The following KLF17 variants were observed in gnomAD, a reference collection of about 807,000 sequenced individuals.
The protein encoded by KLF17 is Krueppel-like factor 17.
Under a neutral mutation model 34.2 loss-of-function variants are expected in KLF17, and 31 were observed. That is an observed-to-expected ratio of 0.91 (90% CI 0.68 to 1.22). KLF17 has a LOEUF of 1.22. Among genes scored for constraint, KLF17 ranks in the 50% most tolerant of loss-of-function variants. The pLI, the probability that KLF17 is intolerant of heterozygous loss-of-function variation, is 0.00. For missense variants in KLF17, 478 were observed against 505.2 expected, an observed-to-expected ratio of 0.95 and a Z score of 0.52; for synonymous variants, 179 against 186.7, an observed-to-expected ratio of 0.96 and a Z score of 0.34.
At chr1:44,099,886 AAAGAAAGAAAGAAAGAAAGAAAGAAAG>A in the KLF17 span, among the ~76,000 whole-genome samples, 4 of 67,504 alleles carry the variant, frequency 5.9e-5, no homozygotes, top group African/African-American at 1.8e-4. Flanking sequence ...AGAAAGAAAG[AAAGAAAGAAAGAAAGAAAGAAAGAAAG>A]AAAGAAAAGA....
At chr1:44,065,513 G>A in the KLF17 span, among the ~76,000 whole-genome samples, 30 of 146,082 alleles carry the variant, frequency 2.1e-4, no homozygotes, top group Non-Finnish European at 2.1e-4. Context: ...AGATTCGAGT[G>A]ATTCTCATGC....
rs1045400901 is a variant in KLF17, at chr1:44,127,501, A to ACTTC, written c.82-1838_82-1835dup. Among the ~76,000 whole-genome samples, 125 of 150,242 alleles carry ACTTC rather than the reference A, an allele frequency of 8.3e-4. No homozygotes were observed. The Middle Eastern group carries it at 0.01, about 12-fold the overall frequency. On this transcript the variant is annotated intron_variant, in intron 1 of 3. Coordinates refer to ENST00000372299, the MANE Select transcript of KLF17 (RefSeq NM_173484.4). The stretch of plus-strand genomic sequence containing the variant: ...AAATTTGTAATTGCTTCAAGTTTTT[A>ACTTC]CTTCCTTCCTTCCTTCCCTCCCTCC...
the KLF17 span, among the ~76,000 whole-genome samples, chr1:44,094,854 G>A: frequency 6.6e-6 from 1 of 150,634 alleles, no homozygotes; most frequent in African/African-American, 2.4e-5. Context: ...ACACATTTTA[G>A]AATATTTTTT....
the KLF17 span, among the ~76,000 whole-genome samples, chr1:44,057,985 C>T: frequency 2.6e-5 from 4 of 152,196 alleles, no homozygotes; most frequent in East Asian, 1.9e-4. Context: ...ACACTTTCAC[C>T]GAGTGGATAG....
In KLF17 at chr1:44,124,475, C is replaced by T. The variant is rs2087984457; in HGVS notation, c.82-4878C>T. ...CTCTGAGTAGCTAGGACTACAGGCA[C>T]GTGCCACCACACTTGGCTAATTTTT... On this transcript the variant is annotated intron_variant, in intron 1 of 3. Coordinates refer to ENST00000372299, the MANE Select transcript of KLF17 (RefSeq NM_173484.4). 4.8e-5 allele frequency among the ~76,000 whole-genome samples: 7 copies of T among 147,150 alleles called. No homozygotes were observed. In the South Asian group the frequency reaches 1.3e-3, roughly 27 times the overall value.
At chr1:44,055,562 C>A in the KLF17 span, among the ~76,000 whole-genome samples, 1 of 152,162 alleles carries the variant, frequency 6.6e-6, no homozygotes, top group Non-Finnish European at 1.5e-5. Flanking sequence ...GGAATGGACA[C>A]TTCTAGCTCT....
At chr1:44,104,121 G>C in the KLF17 span, 1 of 1,018,108 alleles carries the variant, frequency 9.8e-7, no homozygotes, top group Non-Finnish European at 1.6e-6. Context: ...GATCTCGTCA[G>C]TCAGCCCTTC....
chr1:44,080,530 A>G, the KLF17 span, among the ~76,000 whole-genome samples: 3 of 152,156 alleles, frequency 2.0e-5, no homozygotes, highest in Admixed American at 6.5e-5. Context: ...GAGCCACAGC[A>G]CCAGGCTCTC....
At chr1:44,103,627 G>A in the KLF17 span, 1 of 1,610,112 alleles carries the variant, frequency 6.2e-7, no homozygotes, top group African/African-American at 1.3e-5. Context: ...TCGATGTCCA[G>A]GGCCAGCTTG....
At chr1:44,119,097 G>C in intron 1 of KLF17, 109 bp downstream of exon 1, 2 of 725,724 alleles carry the variant, frequency 2.8e-6, no homozygotes, top group South Asian at 4.7e-5. Context: ...AAACCCGAGG[G>C]GTAGAAATCC....
At chr1:44,100,791 A>AAACCCCG in the KLF17 span, among the ~76,000 whole-genome samples, 1 of 151,946 alleles carries the variant, frequency 6.6e-6, no homozygotes, top group Non-Finnish European at 1.5e-5. Context: ...AGTAGCTGGG[A>AAACCCCG]TTACAGGTGT....
At chr1:44,099,265 G>T in the KLF17 span, among the ~76,000 whole-genome samples, 2 of 151,760 alleles carry the variant, frequency 1.3e-5, no homozygotes, top group African/African-American at 4.8e-5. Context: ...TTAGCCAGGC[G>T]TGGTGGCTCA....
chr1:44,103,548 T>C, the KLF17 span: 1 of 1,447,846 alleles, frequency 6.9e-7, no homozygotes, highest in Admixed American at 1.7e-5. Context: ...GATACTCCTG[T>C]TCTGCATCCC....
At chr1:44,084,375 G>A in the KLF17 span, among the ~76,000 whole-genome samples, 1 of 152,100 alleles carries the variant, frequency 6.6e-6, no homozygotes, top group Non-Finnish European at 1.5e-5. Context: ...AATCCTGGAA[G>A]CGAAGCTCTT....
chr1:44,084,049 CT>C, the KLF17 span, among the ~76,000 whole-genome samples: 2 of 152,308 alleles, frequency 1.3e-5, no homozygotes, highest in Admixed American at 6.5e-5. Flanking sequence ...TTCAGTAATG[CT>C]TTGTGAATAT....
At chr1:44,105,940 GA>G in the KLF17 span, among the ~76,000 whole-genome samples, 1 of 152,126 alleles carries the variant, frequency 6.6e-6, no homozygotes, top group Non-Finnish European at 1.5e-5. Flanking sequence ...GGGGTGGGAG[GA>G]TTGCTTGAGC....
chr1:44,127,674 C>CTTTCTTTCTTTCTTTCT (rs2088034674), intron 1 of KLF17, among the ~76,000 whole-genome samples: 7 of 42,630 alleles, frequency 1.6e-4, no homozygotes, highest in African/African-American at 5.1e-4. Context: ...TTCTTTCTTT[C>CTTTCTTTCTTTCTTTCT]TTTCTTTCTT....
the KLF17 span, among the ~76,000 whole-genome samples, chr1:44,085,075 G>T: frequency 6.6e-6 from 1 of 151,402 alleles, no homozygotes; most frequent in Non-Finnish European, 1.5e-5. Flanking sequence ...TTTATTGAGT[G>T]CCTACTATAT....
chr1:44,099,680 G>T, the KLF17 span, among the ~76,000 whole-genome samples: 1 of 151,048 alleles, frequency 6.6e-6, no homozygotes, highest in Non-Finnish European at 1.5e-5. Context: ...TGGGTGTGGT[G>T]GTGCATGCCT....
Sources: allele counts gnomAD v4.1 joint callset (sites outside exome capture counted in the v4.1 genomes callset), GRCh38; gene constraint gnomAD v4.1.1; transcripts MANE v1.5; gene names NCBI Gene and HGNC (gene_info 2026-07-23, HGNC 2026-07-21).